Variants in CCDC3 observed in about 807,000 individuals in gnomAD.
CCDC3 encodes the protein coiled-coil domain containing 3.
In CCDC3, 24 loss-of-function variants were observed where a neutral mutation model predicts 21.4. The ratio of observed to expected loss-of-function variants is 1.12; its 90% confidence interval spans 0.81 to 1.58. CCDC3 has a LOEUF of 1.58. Ranked by LOEUF, CCDC3 falls within the 40% of genes most tolerant of loss-of-function variation. The pLI is 0.00. For missense variants in CCDC3, 425 were observed against 360.9 expected, an observed-to-expected ratio of 1.18 and a Z score of -1.44; for synonymous variants, 186 against 166.0, an observed-to-expected ratio of 1.12 and a Z score of -0.93.
intron 5 of CCDC3, among the ~76,000 whole-genome samples, chr10:13,020,709 C>T (rs958637041): frequency 1.3e-5 from 2 of 152,102 alleles, no homozygotes; most frequent in East Asian, 3.8e-4. Context: ...CTGAAAAATA[C>T]TCCACTCAAT....
intron 3 of CCDC3, among the ~76,000 whole-genome samples, chr10:13,083,310 C>T (rs1257553909): frequency 6.6e-6 from 1 of 152,120 alleles, no homozygotes; most frequent in South Asian, 2.1e-4. Flanking sequence ...AAAACTCAAG[C>T]AAAATAGCTA....
intron 5 of CCDC3, among the ~76,000 whole-genome samples, chr10:13,028,129 C>A (rs994813451): frequency 6.6e-6 from 1 of 152,208 alleles, no homozygotes; most frequent in Non-Finnish European, 1.5e-5. Context: ...TTACAGCTCC[C>A]ATAATCCCCA....
intron 2 of CCDC3, among the ~76,000 whole-genome samples, chr10:12,901,973 C>T (rs12779328): frequency 0.21 from 32,583 of 152,134 alleles, 4,126 homozygotes; most frequent in Non-Finnish European, 0.29. Context: ...TCCCCTTTCA[C>T]GATGCTTTCC....
At chr10:13,084,382 G>A (rs943398602) in intron 3 of CCDC3, among the ~76,000 whole-genome samples, 81 of 150,518 alleles carry the variant, frequency 5.4e-4, no homozygotes, top group African/African-American at 1.9e-3. Context: ...TCCACCTCTC[G>A]GGTTCAAGCG....
At chr10:13,049,506 C>T (rs901888268) in intron 5 of CCDC3, among the ~76,000 whole-genome samples, 2 of 152,132 alleles carry the variant, frequency 1.3e-5, no homozygotes, top group Non-Finnish European at 2.9e-5. Context: ...TTGTATGAGG[C>T]TCCACAAACC....
chr10:12,973,242 G>A (rs2131266174), intron 2 of CCDC3, among the ~76,000 whole-genome samples: 1 of 152,250 alleles, frequency 6.6e-6, no homozygotes, highest in South Asian at 2.1e-4. Context: ...TTCTCTAAAG[G>A]ATGCAAGAAC....
At chr10:12,908,670 T>C (rs12220846) in intron 2 of CCDC3, among the ~76,000 whole-genome samples, 24,385 of 147,986 alleles carry the variant, frequency 0.16, 2,792 homozygotes, top group African/African-American at 0.32. Flanking sequence ...AGTGCAGAGG[T>C]GTGATCTCGG....
intron 2 of CCDC3, among the ~76,000 whole-genome samples, chr10:12,966,439 T>A (rs1005414960): frequency 6.6e-6 from 1 of 152,050 alleles, no homozygotes; most frequent in Admixed American, 6.6e-5. Flanking sequence ...CCCCAGACCC[T>A]CACACCCCTC....
intron 4 of CCDC3, among the ~76,000 whole-genome samples, chr10:13,072,308 A>G (rs1227156310): frequency 2.0e-5 from 3 of 152,114 alleles, no homozygotes; most frequent in Non-Finnish European, 4.4e-5. Context: ...TTTTCCCCAA[A>G]ACAGTGCCCC....
intron 3 of CCDC3, among the ~76,000 whole-genome samples, chr10:13,096,215 A>C (rs1490488994): frequency 3.7e-5 from 5 of 133,610 alleles, no homozygotes; most frequent in African/African-American, 1.4e-4. Flanking sequence ...ACAGAGTCTC[A>C]CTCCATGGCC....
At chr10:12,917,632 C>A (rs905743088) in intron 2 of CCDC3, among the ~76,000 whole-genome samples, 8 of 152,220 alleles carry the variant, frequency 5.3e-5, no homozygotes, top group Admixed American at 5.2e-4. Context: ...GGTGAAGAGT[C>A]CTCTTTTGTC....
intron 4 of CCDC3, among the ~76,000 whole-genome samples, chr10:13,050,114 C>G (rs473278): frequency 0.79 from 120,093 of 152,048 alleles, 47,550 homozygotes; most frequent in Admixed American, 0.84. Flanking sequence ...GGGGCTGAGG[C>G]TGTGAGCCCA....
chr10:12,983,377 A>G (rs1463565188), intron 2 of CCDC3, among the ~76,000 whole-genome samples: 1 of 151,446 alleles, frequency 6.6e-6, no homozygotes, highest in African/African-American at 2.4e-5. Context: ...GTTCGAGACC[A>G]GCCTGGGCAA....
At chr10:12,940,865 GC>G (rs776026398) in intron 2 of CCDC3, among the ~76,000 whole-genome samples, 1 of 152,184 alleles carries the variant, frequency 6.6e-6, no homozygotes, top group Non-Finnish European at 1.5e-5. Flanking sequence ...ACTTGACAAG[GC>G]TTACCCAGCA....
intron 2 of CCDC3, among the ~76,000 whole-genome samples, chr10:12,937,108 C>CTTTT (rs61592955): frequency 2.4e-4 from 35 of 148,920 alleles, no homozygotes; most frequent in African/African-American, 4.7e-4. Context: ...TCCCTGTGGA[C>CTTTT]TTTTTTTTTT....
intron 4 of CCDC3, among the ~76,000 whole-genome samples, chr10:13,072,099 G>A (rs541565333): frequency 6.6e-6 from 1 of 152,252 alleles, no homozygotes; most frequent in East Asian, 1.9e-4. Context: ...TTGCAAACCA[G>A]TAAAAGGCCT....
At chr10:13,000,836 G>A (rs1325404832) in intron 1 of CCDC3, among the ~76,000 whole-genome samples, 1 of 152,180 alleles carries the variant, frequency 6.6e-6, no homozygotes, top group East Asian at 1.9e-4. Context: ...GCCACAGACT[G>A]ATTTCAAAGA....
chr10:13,090,059 A>C (rs1481131111), intron 3 of CCDC3, among the ~76,000 whole-genome samples: 6 of 136,106 alleles, frequency 4.4e-5, no homozygotes, highest in South Asian at 2.3e-4. Flanking sequence ...ATATATATAT[A>C]TATATATATA....
intron 2 of CCDC3, among the ~76,000 whole-genome samples, chr10:12,937,524 G>T (rs146353875): frequency 3.3e-5 from 5 of 152,114 alleles, no homozygotes; most frequent in African/African-American, 4.8e-5. Flanking sequence ...GGGCAGGGGC[G>T]TGATCATAGC....
Sources: gnomAD v4.1 joint callset for allele counts (sites outside exome capture counted in the v4.1 genomes callset) on GRCh38, gnomAD v4.1.1 for gene constraint, MANE v1.5 for transcripts, NCBI Gene and HGNC (gene_info 2026-07-23, HGNC 2026-07-21) for gene names.